The following CDC14A variants were observed in gnomAD, a reference collection of about 807,000 sequenced individuals.
CDC14A encodes the protein cell division cycle 14A.
In CDC14A, 53 loss-of-function variants were observed where a neutral mutation model predicts 74.4. The ratio of observed to expected loss-of-function variants is 0.71; its 90% CI spans 0.57 to 0.89. The LOEUF is 0.89. Among genes scored for constraint, CDC14A ranks in the 40% least tolerant of loss-of-function variants. The pLI is 0.00. For missense variants in CDC14A, 646 were observed against 713.7 expected (o/e 0.91, Z 1.08); for synonymous variants, 247 against 258.4 (o/e 0.96, Z 0.43).
chr1:100,502,959 A>G (rs1648911263), intron 15 of CDC14A, among the ~76,000 whole-genome samples: 1 of 152,200 alleles, frequency 6.6e-6, no homozygotes, highest in South Asian at 2.1e-4. Context: ...AAAAGCATTT[A>G]TAAATAGAAT....
At chr1:100,491,714 G>A (rs1236292041) in intron 11 of CDC14A, among the ~76,000 whole-genome samples, 1 of 148,880 alleles carries the variant, frequency 6.7e-6, no homozygotes, top group East Asian at 2.0e-4. Context: ...TGGGATTACA[G>A]GCACGCACCA....
intron 2 of CDC14A, among the ~76,000 whole-genome samples, chr1:100,362,789 A>G (rs1050811811): frequency 6.6e-6 from 1 of 152,246 alleles, no homozygotes; most frequent in Non-Finnish European, 1.5e-5. Context: ...AGTTCTTGAC[A>G]ACTTGAAAAT....
intron 4 of CDC14A, chr1:100,393,290 A>G (rs1657966158): frequency 8.0e-7 from 1 of 1,252,470 alleles, no homozygotes; most frequent in Non-Finnish European, 1.2e-6. Flanking sequence ...CTAGATTTTC[A>G]TTGTATACTT....
chr1:100,491,565 TA>T (rs1670664951), intron 11 of CDC14A, among the ~76,000 whole-genome samples: 17 of 87,570 alleles, frequency 1.9e-4, no homozygotes, highest in African/African-American at 8.0e-4. Context: ...TATATATATA[TA>T]TATATATTTT....
At chr1:100,406,747 A>ACCC (rs1224389298) in intron 4 of CDC14A, among the ~76,000 whole-genome samples, 3 of 151,604 alleles carry the variant, frequency 2.0e-5, no homozygotes, top group Admixed American at 2.0e-4. Context: ...AAGTGGTAAA[A>ACCC]CCCCGTCTCT....
chr1:100,368,133 A>G (rs1653924287), intron 2 of CDC14A, among the ~76,000 whole-genome samples: 1 of 152,158 alleles, frequency 6.6e-6, no homozygotes, highest in African/African-American at 2.4e-5. Context: ...CGTTTATGGT[A>G]CTTGGTAATT....
At chr1:100,405,594 C>T (rs1047504843) in intron 4 of CDC14A, among the ~76,000 whole-genome samples, 2 of 152,148 alleles carry the variant, frequency 1.3e-5, no homozygotes, top group Non-Finnish European at 2.9e-5. Context: ...GTGTTCTCAT[C>T]GTTTAGCTCC....
rs767558557 is a variant in CDC14A at position 100,519,016 on chromosome 1, T to C, written c.*736T>C. 4 of 152,150 alleles carry C rather than the reference T, an allele frequency of 2.6e-5. No homozygotes were observed. The highest frequency in any genetic ancestry group is 5.9e-5 in the Non-Finnish European group (4 of 68,000). 9.4% of individuals were successfully genotyped at this position (152,150 alleles called of 1,614,324 possible). A position where few individuals can be genotyped will look rare whatever the true frequency, so the allele number is the denominator to read the frequency against. ...GTTAGTTTTGCATCCTGGGGGGCTTTAAAATACAGCATGCAGTGAAAGATC... is the reference window on the plus strand; with the variant it reads ...GTTAGTTTTGCATCCTGGGGGGCTTCAAAATACAGCATGCAGTGAAAGATC... On this transcript the variant is annotated 3_prime_UTR_variant, in exon 16 of 16. Transcript: ENST00000336454.
intron 3 of CDC14A, among the ~76,000 whole-genome samples, chr1:100,384,773 C>G (rs1465127893): frequency 6.6e-6 from 1 of 152,202 alleles, no homozygotes; most frequent in African/African-American, 2.4e-5. Flanking sequence ...TTTATGAAAG[C>G]TTCAATTTTG....
At chr1:100,350,683 G>T (rs1364994246), upstream of CDC14A, among the ~76,000 whole-genome samples, 1 of 152,194 alleles carries the variant, frequency 6.6e-6, no homozygotes, top group African/African-American at 2.4e-5. Flanking sequence ...AACTGAATGA[G>T]AACTCTGACT....
chr1:100,473,705 T>G (rs947815463), intron 10 of CDC14A, among the ~76,000 whole-genome samples: 3 of 152,126 alleles, frequency 2.0e-5, no homozygotes, highest in African/African-American at 4.8e-5. Flanking sequence ...ATTTTTCTGT[T>G]TATTTTGTAT....
At chr1:100,502,620 G>T (rs963026798) in intron 15 of CDC14A, among the ~76,000 whole-genome samples, 3 of 152,218 alleles carry the variant, frequency 2.0e-5, no homozygotes, top group Non-Finnish European at 4.4e-5. Flanking sequence ...CATACGTAAA[G>T]GTATTGTGTA....
chr1:100,502,327 AT>A (rs1172875971), intron 15 of CDC14A, among the ~76,000 whole-genome samples: 1 of 152,076 alleles, frequency 6.6e-6, no homozygotes, highest in Non-Finnish European at 1.5e-5. Context: ...TTTATACCAT[AT>A]TTTTACTGTC....
intron 4 of CDC14A, among the ~76,000 whole-genome samples, chr1:100,408,120 ATG>A (rs1392409204): frequency 6.6e-6 from 1 of 152,036 alleles, no homozygotes; most frequent in Non-Finnish European, 1.5e-5. Flanking sequence ...CTTTGTGTCC[ATG>A]TGTTCTCATC....
intron 5 of CDC14A, among the ~76,000 whole-genome samples, chr1:100,431,638 T>TA (rs1179289672): frequency 2.0e-5 from 3 of 151,652 alleles, no homozygotes; most frequent in Admixed American, 6.6e-5. Context: ...ACCCATGAGT[T>TA]AGAGACCAGT....
chr1:100,427,118 T>A (rs747160179), intron 5 of CDC14A, among the ~76,000 whole-genome samples: 2 of 152,274 alleles, frequency 1.3e-5, no homozygotes, highest in Admixed American at 1.3e-4. Context: ...TAATCTGGGT[T>A]TTATTATCAC....
In CDC14A at chr1:100,493,559, T is replaced by C. The variant is rs143030553; in HGVS notation, c.1138-1259T>C. Reference sequence around the variant, plus strand: ...GTAAAACTGATTTCTGGAGATTTTTTAGAAGTGCAACTTGAGACTCTAAGA... The same window carrying C: ...GTAAAACTGATTTCTGGAGATTTTTCAGAAGTGCAACTTGAGACTCTAAGA... On this transcript the variant is annotated intron_variant, in intron 11 of 15. Transcript: ENST00000336454. Among the ~76,000 whole-genome samples the C allele has an allele frequency of 7.9e-5, 12 of 152,352 alleles. No homozygotes were observed. In the East Asian group the frequency reaches 2.1e-3, roughly 27 times the overall value.
chr1:100,415,489 G>T (rs1661421578), intron 4 of CDC14A, among the ~76,000 whole-genome samples: 2 of 152,154 alleles, frequency 1.3e-5, no homozygotes, highest in Admixed American at 1.3e-4. Flanking sequence ...GTCAGGTTCT[G>T]CTTAACTTCT....
At chr1:100,360,438 G>C (rs1296889725) in intron 2 of CDC14A, among the ~76,000 whole-genome samples, 1 of 151,868 alleles carries the variant, frequency 6.6e-6, no homozygotes, top group Non-Finnish European at 1.5e-5. Flanking sequence ...CCACCTCCGG[G>C]GTTCAAGCAA....
Sources: gnomAD v4.1 joint callset for allele counts (sites outside exome capture counted in the v4.1 genomes callset) on GRCh38, gnomAD v4.1.1 for gene constraint, MANE v1.5 for transcripts, NCBI Gene and HGNC (gene_info 2026-07-23, HGNC 2026-07-21) for gene names.